The following ACACB variants were observed in gnomAD, a reference collection of about 807,000 sequenced individuals.
The protein encoded by ACACB is acetyl-CoA carboxylase 2.
A neutral mutation model predicts 278.8 loss-of-function variants in ACACB; 209 were observed. The observed-to-expected ratio is 0.75, with a 90% CI of 0.67 to 0.84. The LOEUF (loss-of-function observed/expected upper bound fraction) is 0.84, where lower values mean the gene tolerates loss of function less well. Ranked by LOEUF, ACACB falls within the 40% of genes least tolerant of loss-of-function variation. The probability of loss-of-function intolerance (pLI) is 0.00; values close to 1 mark genes in which losing one functional copy is unlikely to be tolerated. For synonymous variants in ACACB, 1,174 were observed against 1,285.6 expected, an observed-to-expected ratio of 0.91 and a Z score of 1.86; for missense variants, 2,850 against 3,269.0, an observed-to-expected ratio of 0.87 and a Z score of 3.13.
chr12:109,215,953 C>G (rs2045982969), intron 22 of ACACB, among the ~76,000 whole-genome samples: 1 of 151,894 alleles, frequency 6.6e-6, no homozygotes, highest in South Asian at 2.1e-4. Flanking sequence ...TGCGCTACCA[C>G]TCCCGGCTAA....
At chr12:109,164,014 G>A (rs1191787730) in intron 2 of ACACB, among the ~76,000 whole-genome samples, 1 of 152,200 alleles carries the variant, frequency 6.6e-6, no homozygotes, top group African/African-American at 2.4e-5. Flanking sequence ...GGGCCTGAGA[G>A]ATGTGCAGCC....
At position 109,191,661 on chromosome 12, in the gene ACACB, G is replaced by T. The variant is rs764997444; in HGVS notation, c.2193G>T (p.Arg731Ser). 1.1e-5 allele frequency: 17 copies of T among 1,614,190 alleles called. No individual in the cohort carries two copies. Among genetic ancestry groups the T allele is most frequent in the Admixed American group, 1.7e-5 (1 of 60,016 alleles). The change falls in exon 14 of 53, where the codon AGG becomes AGT. Residue 731 changes from arginine (R) to serine (S), a missense_variant. Physicochemically the swap from Arg to Ser is moderately radical, Grantham distance 110 (BLOSUM62 -1). This residue lies in a region of ACACB where 2,265 missense variants were observed against 2,561.3 expected (regional missense o/e 0.88). Transcript: ENST00000338432. ...AACTGTCCATCCGAGGCGACTTTAG[G>T]ACTACCGTGGAATACCTCATTAACC... Reference protein sequence around the residue: ...LKELSIRGDFRTTVEYLINLL... With the variant: ...LKELSIRGDFSTTVEYLINLL...
chr12:109,163,682 C>T (rs1373798933), intron 2 of ACACB, among the ~76,000 whole-genome samples: 1 of 152,152 alleles, frequency 6.6e-6, no homozygotes, highest in South Asian at 2.1e-4. Context: ...TGGAGTCTCA[C>T]TCTATTGCCC....
chr12:109,154,163 C>A (rs1471664342), intron 2 of ACACB, among the ~76,000 whole-genome samples: 3 of 152,232 alleles, frequency 2.0e-5, no homozygotes, highest in Admixed American at 6.5e-5. Flanking sequence ...TATTTCGGAT[C>A]ACCGGGCTGC....
intron 28 of ACACB, among the ~76,000 whole-genome samples, chr12:109,228,578 A>G (rs149865574): frequency 0.023 from 3,463 of 148,798 alleles, 139 homozygotes; most frequent in African/African-American, 0.082. Flanking sequence ...AGAATCTCTT[A>G]AACCTGGGAG....
intron 9 of ACACB, 29 bp downstream of exon 9, chr12:109,176,292 A>G (rs1370168884): frequency 1.3e-6 from 2 of 1,585,314 alleles, no homozygotes; most frequent in South Asian, 1.1e-5. Context: ...GTCTTTTCGC[A>G]TCTGTCTTTG....
chr12:109,238,613 G>A (rs948449036), intron 34 of ACACB, among the ~76,000 whole-genome samples: 8 of 148,796 alleles, frequency 5.4e-5, no homozygotes, highest in Non-Finnish European at 1.0e-4. Context: ...TGCCCAGGCT[G>A]GAGTGCAATG....
Position 109,166,970 on chromosome 12 carries a change from G to T in ACACB, c.763G>T (p.Gly255Trp), listed in dbSNP as rs1376532694. Residue 255 changes from glycine to tryptophan, a missense_variant, in exon 3 of 53, where the codon GGG (glycine) becomes TGG (tryptophan). By Grantham distance (184) the Gly-to-Trp change is radical (BLOSUM62 -2). Transcript: ENST00000338432. Reference sequence around the variant, plus strand: ...TCCCGCTGAGTTTGTCACACGCTTTGGGGGGGATCGGGTCATCGAGAAGGT... The same window carrying T: ...TCCCGCTGAGTTTGTCACACGCTTTTGGGGGGATCGGGTCATCGAGAAGGT... ...ASPAEFVTRF[G>W]GDRVIEKVLI... is the part of the protein sequence containing the mutation. 2.5e-6 allele frequency: 4 copies of T among 1,613,802 alleles called. No homozygotes were observed. The highest frequency in any genetic ancestry group is 1.1e-5 in the South Asian group (1 of 91,056).
At chr12:109,121,042 C>A (rs140582309) in intron 1 of ACACB, among the ~76,000 whole-genome samples, 4 of 152,100 alleles carry the variant, frequency 2.6e-5, no homozygotes, top group Non-Finnish European at 2.9e-5. Flanking sequence ...CAGGTTCAAG[C>A]GATTCTCCTG....
At chr12:109,247,008 G>A (rs2046965711) in intron 39 of ACACB, among the ~76,000 whole-genome samples, 1 of 152,118 alleles carries the variant, frequency 6.6e-6, no homozygotes, top group African/African-American at 2.4e-5. Context: ...GAGCCCAGGA[G>A]TTCAAGGCTG....
At chr12:109,226,716 AAAAG>A (rs1170471356) in intron 27 of ACACB, among the ~76,000 whole-genome samples, 1 of 151,630 alleles carries the variant, frequency 6.6e-6, no homozygotes, top group Non-Finnish European at 1.5e-5. Context: ...AAAAAAAAAA[AAAAG>A]AAGAATGCAG....
chr12:109,135,085 C>T (rs1323969080), intron 1 of ACACB, among the ~76,000 whole-genome samples: 1 of 152,092 alleles, frequency 6.6e-6, no homozygotes, highest in Non-Finnish European at 1.5e-5. Flanking sequence ...TTTAAGGAAC[C>T]ACCAGACTTT....
intron 24 of ACACB, among the ~76,000 whole-genome samples, chr12:109,221,261 T>C (rs1467725202): frequency 2.6e-5 from 4 of 152,124 alleles, no homozygotes; most frequent in South Asian, 2.1e-4. Context: ...CAGAAACACA[T>C]GTAGAAAAAA....
At chr12:109,220,533 GTGTTGTTGTTGT>G (rs113239494) in intron 24 of ACACB, among the ~76,000 whole-genome samples, 2 of 151,974 alleles carry the variant, frequency 1.3e-5, no homozygotes, top group Non-Finnish European at 2.9e-5. Context: ...AAGAAAAATG[GTGTTGTTGTTGT>G]TGTTGTTGTT....
rs745586080 is a variant in ACACB, at chr12:109,266,388, G to A, written c.*26G>A. On this transcript the variant is annotated 3_prime_UTR_variant, in exon 53 of 53. Coordinates refer to ENST00000338432, the MANE Select transcript of ACACB (RefSeq NM_001093.4). Reference sequence around the variant, plus strand: ...CCGTGGCCCGCCCAGCCACTCCCGGGACCACGGCAAAAGGAACCACCCAGA... The same window carrying A: ...CCGTGGCCCGCCCAGCCACTCCCGGAACCACGGCAAAAGGAACCACCCAGA... The A allele has an allele frequency of 3.2e-6, 5 of 1,584,570 alleles. No individual in the cohort carries two copies. The highest frequency in any genetic ancestry group is 4.3e-6 in the Non-Finnish European group (5 of 1,168,274).
Position 109,150,627 on chromosome 12 carries a change from T to C in ACACB, c.653+10569T>C, listed in dbSNP as rs116065003. Among the ~76,000 whole-genome samples the C allele has an allele frequency of 3.0e-3, 458 of 152,086 alleles. 1 individual carries two copies. The highest frequency in any genetic ancestry group is 0.011 in the African/African-American group (446 of 41,490). On this transcript the variant is annotated intron_variant, in intron 2 of 52. Transcript: ENST00000338432. The stretch of plus-strand genomic sequence containing the variant: ...ACAGAGGGGGCCCTGCAGGCAAAGG[T>C]AGGTGAAGGAATACCAGGAAAGGGA...
rs186705694 is a variant in ACACB, at chr12:109,161,521, C to T, written c.654-5340C>T. ...TTATGCCACTGCTCTCCAGCCTGGG[C>T]GACAGAGTGAGACGCAGTCTCAGAA... is the stretch of plus-strand genomic sequence containing the variant. On this transcript the variant is annotated intron_variant, in intron 2 of 52. Coordinates refer to ENST00000338432, the MANE Select transcript of ACACB (RefSeq NM_001093.4). 5.9e-5 allele frequency among the ~76,000 whole-genome samples: 9 copies of T among 151,826 alleles called. No individual in the cohort carries two copies. In the East Asian group the frequency reaches 1.2e-3, roughly 20 times the overall value.
chr12:109,138,031 G>A (rs1053710386), intron 1 of ACACB, among the ~76,000 whole-genome samples: 10 of 151,922 alleles, frequency 6.6e-5, no homozygotes, highest in Admixed American at 2.0e-4. Context: ...CCGAGTAGCT[G>A]GAATTACAGG....
Position 109,191,675 on chromosome 12 carries a change from AC to A in ACACB, c.2209del (p.Leu737SerfsTer44). 1.2e-6 allele frequency: 2 copies of A among 1,614,032 alleles called. No individual in the cohort carries two copies. Among genetic ancestry groups the A allele is most frequent in the Non-Finnish European group, 1.7e-6 (2 of 1,179,876 alleles). On this transcript the variant is annotated frameshift_variant, in exon 14 of 53. Transcript: ENST00000338432. LOFTEE classifies it high-confidence loss of function. ...GGCGACTTTAGGACTACCGTGGAAT[AC>A]CTCATTAACCTCCTGGAGACCGAGA... ...IRGDFRTTVE[Y>X]LINLLETESF...
Sources: gnomAD v4.1 joint callset for allele counts (sites outside exome capture counted in the v4.1 genomes callset) on GRCh38, gnomAD v4.1.1 for gene constraint, gnomAD v4.1.1 regional missense constraint, MANE v1.5 for transcripts, NCBI Gene and HGNC (gene_info 2026-07-23, HGNC 2026-07-21) for gene names.